Variants in CTDP1 observed in about 807,000 individuals in gnomAD.
The protein encoded by CTDP1 is RNA polymerase II subunit A C-terminal domain phosphatase.
CTDP1 carries 47 observed loss-of-function variants against 91.8 expected under a neutral mutation model. The ratio of observed to expected loss-of-function variants is 0.51; its 90% confidence interval spans 0.41 to 0.65. The LOEUF (loss-of-function observed/expected upper bound fraction) is 0.65. Ranked by LOEUF, CTDP1 falls within the 30% of genes least tolerant of loss-of-function variation. The pLI, the probability that CTDP1 is intolerant of heterozygous loss-of-function variation, is 0.00. For missense variants in CTDP1, 1,272 were observed against 1,373.7 expected, an observed-to-expected ratio of 0.93 and a Z score of 1.17; for synonymous variants, 656 against 598.5, an observed-to-expected ratio of 1.10 and a Z score of -1.40.
rs192423880 is a variant in CTDP1, at chr18:79,708,954, C to T, written c.773-1392C>T. On this transcript the variant is annotated intron_variant, in intron 5 of 12. Transcript: ENST00000613122. ...CAGTAAATGTTAAATGATCGAATAC[C>T]CTTAAACACGTTATGTGGGTGCCAT... is the stretch of plus-strand genomic sequence containing the variant. Among the ~76,000 whole-genome samples the T allele has an allele frequency of 2.6e-3, 390 of 152,280 alleles. 2 individuals carry two copies. Among genetic ancestry groups the T allele is most frequent in the African/African-American group, 8.9e-3 (370 of 41,560 alleles).
At chr18:79,701,529 T>TTAAATAAA (rs146187493) in intron 4 of CTDP1, among the ~76,000 whole-genome samples, 18 of 143,408 alleles carry the variant, frequency 1.3e-4, no homozygotes, top group African/African-American at 3.1e-4. Flanking sequence ...AATAAATAAA[T>TTAAATAAA]TAAATAAATA....
intron 1 of CTDP1, among the ~76,000 whole-genome samples, chr18:79,691,129 G>A (rs941453800): frequency 2.0e-5 from 3 of 152,200 alleles, no homozygotes; most frequent in Non-Finnish European, 4.4e-5. Flanking sequence ...CCTTCCTCGT[G>A]TAGAACTAGG....
At position 79,715,669 on chromosome 18, in the gene CTDP1, C is replaced by T. The variant is rs563093692; in HGVS notation, c.2068+141C>T. 4 of 976,594 alleles carry T rather than the reference C, an allele frequency of 4.1e-6. No homozygotes were observed. In the East Asian group the frequency reaches 7.9e-5, roughly 19 times the overall value. 60.5% of individuals were successfully genotyped at this position (976,594 alleles called of 1,614,324 possible). On this transcript the variant is annotated intron_variant, in intron 8 of 12. Transcript: ENST00000613122. ...GAATCACCATCTTTTAAGAATAGAT[C>T]ATGACAGTGGGTGAAATTGGAGTTT...
intron 12 of CTDP1, among the ~76,000 whole-genome samples, chr18:79,740,274 G>A (rs991781824): frequency 7.9e-5 from 12 of 152,246 alleles, no homozygotes; most frequent in African/African-American, 2.2e-4. Flanking sequence ...GTGTGGCCGC[G>A]ATAGCAGCCT....
chr18:79,686,703 T>C (rs1015939491), intron 1 of CTDP1, among the ~76,000 whole-genome samples: 19 of 152,296 alleles, frequency 1.2e-4, no homozygotes, highest in Non-Finnish European at 2.6e-4. Context: ...TGATGCATTT[T>C]TTGTGCTGAC....
downstream of CTDP1, chr18:79,756,536 A>G (rs1047274749): frequency 7.9e-5 from 12 of 152,254 alleles, no homozygotes; most frequent in Admixed American, 5.9e-4. Context: ...GTTCTGTGCT[A>G]TGCGAAGAAA....
chr18:79,748,006 C>T (rs1233850925), intron 12 of CTDP1, among the ~76,000 whole-genome samples: 2 of 152,132 alleles, frequency 1.3e-5, no homozygotes, highest in Non-Finnish European at 2.9e-5. Context: ...TGTATTCTTG[C>T]CTTATTCAAT....
chr18:79,701,564 AATAAAT>A (rs1341263133), intron 4 of CTDP1, among the ~76,000 whole-genome samples: 24 of 147,512 alleles, frequency 1.6e-4, no homozygotes, highest in African/African-American at 5.3e-4. Context: ...TAAATAAATA[AATAAAT>A]AAAAGAGCTA....
chr18:79,743,905 C>T (rs72976183), intron 12 of CTDP1, among the ~76,000 whole-genome samples: 19,207 of 152,240 alleles, frequency 0.13, 1,608 homozygotes, highest in Non-Finnish European at 0.19. Context: ...GGGAACTGCT[C>T]AGGGCCAGCC....
chr18:79,710,276 G>GCCA, intron 5 of CTDP1, 70 bp from the exon 6 acceptor site: 1 of 1,199,210 alleles, frequency 8.3e-7, no homozygotes, highest in South Asian at 1.2e-5. Flanking sequence ...AACATTCAAG[G>GCCA]CTTCACCATG....
At position 79,680,142 on chromosome 18, in the gene CTDP1, G is replaced by C. The variant is rs912170260; in HGVS notation, c.195G>C (p.Gln65His). The C allele has an allele frequency of 1.4e-6, 2 of 1,429,540 alleles. No homozygotes were observed. Among genetic ancestry groups the C allele is most frequent in the Non-Finnish European group, 1.8e-6 (2 of 1,093,618 alleles). 88.6% of individuals were successfully genotyped at this position (1,429,540 alleles called of 1,614,324 possible). ...CCGCGCAGTCCTCCGGGGCCTCTCAGTCCCGTGTAGCCTCCGGGGGCTGCG... is the reference window on the plus strand; with the variant it reads ...CCGCGCAGTCCTCCGGGGCCTCTCACTCCCGTGTAGCCTCCGGGGGCTGCG... The part of the protein sequence containing the change: ...AASAQSSGAS[Q>H]SRVASGGCVR... Residue 65 changes from glutamine (Q) to histidine (H), a missense_variant, in exon 1 of 13, where the codon CAG (glutamine) becomes CAC (histidine). Physicochemically the swap from Gln to His is conservative, Grantham distance 24. Transcript: ENST00000613122.
At chr18:79,698,254 G>A (rs753902177) in intron 4 of CTDP1, among the ~76,000 whole-genome samples, 8 of 152,168 alleles carry the variant, frequency 5.3e-5, no homozygotes, top group Non-Finnish European at 7.3e-5. Flanking sequence ...TGCCCGGCAC[G>A]ATGTCGGAGA....
chr18:79,725,637 G>A (rs1398534816), intron 10 of CTDP1, among the ~76,000 whole-genome samples: 2 of 151,904 alleles, frequency 1.3e-5, no homozygotes, highest in African/African-American at 4.8e-5. Flanking sequence ...GAGAACTCGA[G>A]CGGAGTCTCC....
chr18:79,693,677 C>G (rs2085670040), intron 1 of CTDP1, among the ~76,000 whole-genome samples: 1 of 152,162 alleles, frequency 6.6e-6, no homozygotes, highest in Non-Finnish European at 1.5e-5. Context: ...GCAGCCCACT[C>G]CATCCCCGAG....
At chr18:79,689,905 G>A (rs907588350) in intron 1 of CTDP1, among the ~76,000 whole-genome samples, 5 of 152,322 alleles carry the variant, frequency 3.3e-5, no homozygotes, top group Middle Eastern at 3.4e-3. Flanking sequence ...CGGGATCCCC[G>A]TGGTGCTGGT....
chr18:79,708,623 T>C (rs1599239545), intron 5 of CTDP1, among the ~76,000 whole-genome samples: 1 of 152,324 alleles, frequency 6.6e-6, no homozygotes, highest in Admixed American at 6.5e-5. Flanking sequence ...TGGTTGGACT[T>C]TGGGTTCACA....
At position 79,736,452 on chromosome 18, in the gene CTDP1, C is replaced by T. The variant is rs1195391114; in HGVS notation, c.2678C>T (p.Thr893Ile). The change falls in exon 12 of 13, where the codon ACC becomes ATC. Residue 893 changes from threonine (T) to isoleucine (I), a missense_variant. By Grantham distance (89) the Thr-to-Ile change is moderately conservative. Transcript: ENST00000613122. ...EEEPQPRKPG[T>I]RRERTLGAPA... ...GAGCCCCAGCCCCGGAAGCCAGGGA[C>T]CCGCAGGGAGCGGACGCTCGGGGCA... is the stretch of plus-strand genomic sequence containing the variant. The T allele has an allele frequency of 6.5e-7, 1 of 1,549,210 alleles. No homozygotes were observed. The highest frequency in any genetic ancestry group is 8.7e-7 in the Non-Finnish European group (1 of 1,146,962).
At chr18:79,747,462 C>T (rs1288806034) in intron 12 of CTDP1, among the ~76,000 whole-genome samples, 3 of 152,342 alleles carry the variant, frequency 2.0e-5, no homozygotes, top group Admixed American at 6.5e-5. Context: ...CCACTCTCAG[C>T]AGCAGACCAG....
intron 8 of CTDP1, among the ~76,000 whole-genome samples, 154 bp from the exon 9 acceptor site, chr18:79,717,381 A>G (rs1244654743): frequency 4.2e-5 from 6 of 142,936 alleles, no homozygotes; most frequent in African/African-American, 1.6e-4. Context: ...GCAGGGGTGC[A>G]GTCAGGTGAA....
Sources: gnomAD v4.1 joint callset for allele counts (sites outside exome capture counted in the v4.1 genomes callset) on GRCh38, gnomAD v4.1.1 for gene constraint, MANE v1.5 for transcripts, NCBI Gene and HGNC (gene_info 2026-07-23, HGNC 2026-07-21) for gene names.